The following ZNF541 variants were observed in gnomAD, a reference collection of about 807,000 sequenced individuals.
ZNF541 encodes the protein zinc finger protein 541.
In ZNF541, 23 loss-of-function variants were observed where a neutral mutation model predicts 123.5. That is an observed-to-expected ratio of 0.19 (90% CI 0.13 to 0.26). The LOEUF (loss-of-function observed/expected upper bound fraction) is 0.26. Ranked by LOEUF, ZNF541 falls within the 10% of genes least tolerant of loss-of-function variation. ZNF541 has a pLI of 1.00. For synonymous variants in ZNF541, 751 were observed against 754.5 expected, an observed-to-expected ratio of 1.00 and a Z score of 0.08; for missense variants, 1,612 against 1,789.9, an observed-to-expected ratio of 0.90 and a Z score of 1.79.
chr19:47,555,785 G>C lies in ZNF541; in HGVS notation c.72C>G (p.Ser24Arg), dbSNP rs1306163441. Residue 24 changes from serine (S) to arginine (R), a missense_variant, in exon 3 of 17, where the codon AGC (serine) becomes AGG (arginine). Ser to Arg is a moderately radical substitution (Grantham distance 110). Coordinates refer to ENST00000391901, the MANE Select transcript of ZNF541 (RefSeq NM_001277075.3). ...GGGTGTCGCTGCAGTTGAGCCCTTGGCTCTCTGAAAATGAAGGGAGGTGCA... is the reference window on the plus strand; with the variant it reads ...GGGTGTCGCTGCAGTTGAGCCCTTGCCTCTCTGAAAATGAAGGGAGGTGCA... ...SEMHLPSFSESQGLNCSDTLN... is the reference protein window; with the variant it reads ...SEMHLPSFSERQGLNCSDTLN... The C allele has an allele frequency of 8.4e-6, 13 of 1,551,524 alleles. No homozygotes were observed. In the South Asian group the frequency reaches 1.5e-4, roughly 18 times the overall value.
rs1409896936 is a variant in ZNF541, at chr19:47,544,619, T to C, written c.1910A>G (p.Glu637Gly). The stretch of plus-strand genomic sequence containing the variant: ...TCGTCTCGTGCTGCCGGGGGAGGCC[T>C]CTCTGGGAACCCCGGGTGTGGTTTT... ...RRKTTPGVPR[E>G]ASPGSTRRDA... Residue 637 changes from glutamate to glycine, a missense_variant, in exon 5 of 17, where the codon GAG becomes GGG. This residue lies in a region of ZNF541 where 1,080 missense variants were observed against 1,013.8 expected (regional missense o/e 1.07). Coordinates refer to ENST00000391901, the MANE Select transcript of ZNF541 (RefSeq NM_001277075.3). The C allele has an allele frequency of 1.9e-6, 3 of 1,550,764 alleles. No individual in the cohort carries two copies. Among genetic ancestry groups the C allele is most frequent in the African/African-American group, 1.4e-5 (1 of 73,178 alleles).
chr19:47,545,829 C>G lies in ZNF541; in HGVS notation c.700G>C (p.Glu234Gln). The change falls in exon 5 of 17, where the codon GAG (glutamate) becomes CAG (glutamine). Residue 234 changes from glutamate (E) to glutamine (Q), a missense_variant. Transcript: ENST00000391901. This position sits in a 1 kb window ranked among gnomAD's most constrained non-coding sequence, Gnocchi z 7.5. ...CILKEAPPEEEACGDSPHAHE... is the reference protein window; with the variant it reads ...CILKEAPPEEQACGDSPHAHE... ...GCGTGGGGGGAGTCCCCGCAGGCCTCTTCCTCCGGGGGGGCTTCCTTCAGG... is the reference window on the plus strand; with the variant it reads ...GCGTGGGGGGAGTCCCCGCAGGCCTGTTCCTCCGGGGGGGCTTCCTTCAGG... The G allele has an allele frequency of 6.5e-7, 1 of 1,548,508 alleles. No homozygotes were observed. The highest frequency in any genetic ancestry group is 8.7e-7 in the Non-Finnish European group (1 of 1,146,040).
At position 47,546,754 on chromosome 19, in the gene ZNF541, C is replaced by T. The variant is rs183200313; in HGVS notation, c.549-774G>A. 5.5e-3 allele frequency among the ~76,000 whole-genome samples: 842 copies of T among 152,240 alleles called. 5 individuals carry two copies. Among genetic ancestry groups the T allele is most frequent in the Non-Finnish European group, 8.8e-3 (600 of 68,018 alleles). ...TTTTTGTTTTTGAGACGGAGTCTTG[C>T]TCTGTCACCCAGGCTGGAGTGCAAT... On this transcript the variant is annotated intron_variant, in intron 4 of 16. Transcript: ENST00000391901.
At position 47,541,664 on chromosome 19, in the gene ZNF541, G is replaced by A. The variant is rs567072499; in HGVS notation, c.2404-713C>T. Among the ~76,000 whole-genome samples, 25 of 152,282 alleles carry A rather than the reference G, an allele frequency of 1.6e-4. No individual in the cohort carries two copies. In the South Asian group the frequency reaches 5.2e-3, roughly 32 times the overall value. ...ATAAGAACACAGAAAGGTGTTCAAC[G>A]TCAGCAGCCACGGGGAAATACAAAT... On this transcript the variant is annotated intron_variant, in intron 5 of 16. Transcript: ENST00000391901.
In ZNF541 at chr19:47,545,858, C is replaced by T. The variant is rs1970334020; in HGVS notation, c.671G>A (p.Cys224Tyr). The part of the protein sequence containing the change: ...RRHYEVHHGL[C>Y]ILKEAPPEEE... ...CTCCGGGGGGGCTTCCTTCAGGATG[C>T]ACAGGCCGTGATGGACCTCGTAGTG... Residue 224 changes from cysteine (C) to tyrosine (Y), a missense_variant, in exon 5 of 17, where the codon TGC becomes TAC. Transcript: ENST00000391901. This position sits in a 1 kb window ranked among gnomAD's most constrained non-coding sequence, Gnocchi z 7.5. 2 of 1,549,624 alleles carry T rather than the reference C, an allele frequency of 1.3e-6. No homozygotes were observed. The highest frequency in any genetic ancestry group is 1.4e-5 in the African/African-American group (1 of 73,002).
At chr19:47,528,384 C>T (rs1969407993) in intron 14 of ZNF541, among the ~76,000 whole-genome samples, 1 of 151,012 alleles carries the variant, frequency 6.6e-6, no homozygotes, top group African/African-American at 2.4e-5. Flanking sequence ...GTGGCACAAT[C>T]CCCACTCACT....
At chr19:47,564,679 G>A (rs1477498544) in intron 2 of ZNF541, among the ~76,000 whole-genome samples, 1 of 152,200 alleles carries the variant, frequency 6.6e-6, no homozygotes, top group African/African-American at 2.4e-5. Context: ...CATGGATGCG[G>A]TGAACAAGAA....
At chr19:47,529,832 G>A (rs1196311985) in intron 12 of ZNF541, among the ~76,000 whole-genome samples, 180 bp from the exon 13 acceptor site, 5 of 152,154 alleles carry the variant, frequency 3.3e-5, no homozygotes, top group Non-Finnish European at 5.9e-5. Context: ...TGCATCAACC[G>A]TGTCACCAGG....
intron 3 of ZNF541, among the ~76,000 whole-genome samples, chr19:47,550,354 G>A (rs1970546435): frequency 6.7e-6 from 1 of 150,344 alleles, no homozygotes; most frequent in South Asian, 2.1e-4. Flanking sequence ...AGAAAGGAAG[G>A]AAGGAAGGAA....
At chr19:47,534,425 C>T (rs1039969733) in intron 9 of ZNF541, among the ~76,000 whole-genome samples, 15 of 152,138 alleles carry the variant, frequency 9.9e-5, no homozygotes, top group East Asian at 5.8e-4. Flanking sequence ...CCGAGGCGGG[C>T]GGATCACCTG....
At chr19:47,565,545 T>TG (rs577805015) in intron 2 of ZNF541, among the ~76,000 whole-genome samples, 15 of 152,004 alleles carry the variant, frequency 9.9e-5, no homozygotes, top group Non-Finnish European at 1.3e-4. Context: ...ACGGTACAAA[T>TG]GGAAGTTTTG....
rs979969377 is a variant in ZNF541, at chr19:47,544,321, G to A, written c.2208C>T (p.Ala736=). 5 of 1,551,570 alleles carry A rather than the reference G, an allele frequency of 3.2e-6. No homozygotes were observed. The East Asian group carries it at 7.3e-5, about 23-fold the overall frequency. Residue 736 remains alanine, a synonymous_variant, in exon 5 of 17, where the codon GCC becomes GCT. Coordinates refer to ENST00000391901, the MANE Select transcript of ZNF541 (RefSeq NM_001277075.3). The part of the protein sequence containing the change: ...SRITKGEKGP[A]CSRGGGYRLL... ...GCCGGTAGCCTCCACCCCGGGAGCAGGCTGGGCCCTTTTCACCTTTTGTGA... is the reference window on the plus strand; with the variant it reads ...GCCGGTAGCCTCCACCCCGGGAGCAAGCTGGGCCCTTTTCACCTTTTGTGA...
Position 47,570,311 on chromosome 19 carries a change from T to C in ZNF541, c.-99+1585A>G, listed in dbSNP as rs371173150. ...AGTCCATTTTGGCTGGGCGTGGTGGTTCATGCCTGTAATCCCAGCACTTTG... is the reference window on the plus strand; with the variant it reads ...AGTCCATTTTGGCTGGGCGTGGTGGCTCATGCCTGTAATCCCAGCACTTTG... On this transcript the variant is annotated intron_variant, in intron 2 of 16. Transcript: ENST00000391901. 2.1e-5 allele frequency among the ~76,000 whole-genome samples: 3 copies of C among 145,932 alleles called. No individual in the cohort carries two copies. In the South Asian group the frequency reaches 6.6e-4, roughly 32 times the overall value.
chr19:47,548,337 G>A (rs1385636741), intron 4 of ZNF541, among the ~76,000 whole-genome samples: 3 of 150,688 alleles, frequency 2.0e-5, no homozygotes, highest in African/African-American at 7.3e-5. Context: ...CAGCTGCTCT[G>A]GAGGCTGAGG....
chr19:47,539,341 C>T (rs917451126), intron 8 of ZNF541, among the ~76,000 whole-genome samples: 2 of 149,748 alleles, frequency 1.3e-5, no homozygotes, highest in Non-Finnish European at 3.0e-5. Flanking sequence ...ACTCTGTTAC[C>T]CAGGCTAGAG....
intron 11 of ZNF541, 141 bp downstream of exon 11, chr19:47,531,987 G>C (rs1284270620): frequency 1.7e-6 from 2 of 1,195,804 alleles, no homozygotes; most frequent in Admixed American, 2.7e-5. Context: ...AGCAACGCTG[G>C]CCAAGAGCCA....
At chr19:47,571,758 T>C (rs913864692) in intron 2 of ZNF541, among the ~76,000 whole-genome samples, 138 bp downstream of exon 2, 4 of 152,312 alleles carry the variant, frequency 2.6e-5, no homozygotes, top group East Asian at 1.9e-4. Context: ...TTTTCCCTGT[T>C]TGACTTCTCC....
chr19:47,522,123 A>C (rs956830880), intron 14 of ZNF541, 129 bp from the exon 15 acceptor site: 2 of 1,240,644 alleles, frequency 1.6e-6, no homozygotes, highest in East Asian at 5.1e-5. Context: ...TGGCGTTACC[A>C]CTCACCACAA....
At chr19:47,540,090 T>C in intron 7 of ZNF541, 86 bp downstream of exon 7, 1 of 1,469,142 alleles carries the variant, frequency 6.8e-7, no homozygotes, top group Admixed American at 2.3e-5. Context: ...GTCCCCATCC[T>C]GAGATAAGTG....
Sources: allele counts gnomAD v4.1 joint callset (sites outside exome capture counted in the v4.1 genomes callset), GRCh38; gene constraint gnomAD v4.1.1; regional missense constraint gnomAD v4.1.1; non-coding constraint Gnocchi (gnomAD v3.1); transcripts MANE v1.5; gene names NCBI Gene and HGNC (gene_info 2026-07-23, HGNC 2026-07-21).